The following OAS3 variants were observed in gnomAD, a reference collection of about 807,000 sequenced individuals.
The protein encoded by OAS3 is 2'-5'-oligoadenylate synthase 3.
OAS3 carries 107 observed loss-of-function variants against 113.0 expected under a neutral mutation model. The observed-to-expected ratio is 0.95, with a 90% CI of 0.81 to 1.11. The LOEUF (loss-of-function observed/expected upper bound fraction) is 1.11, where lower values mean the gene tolerates loss of function less well. Among genes scored for constraint, OAS3 ranks in the 50% most tolerant of loss-of-function variants. The probability of loss-of-function intolerance (pLI) is 0.00; values close to 1 mark genes in which losing one functional copy is unlikely to be tolerated. For missense variants in OAS3, 1,258 were observed against 1,389.1 expected (o/e 0.91, Z 1.50); for synonymous variants, 552 against 573.6 (o/e 0.96, Z 0.54).
chr12:112,962,130 A>G (rs1164403004), intron 8 of OAS3, among the ~76,000 whole-genome samples: 1 of 152,186 alleles, frequency 6.6e-6, no homozygotes, highest in Non-Finnish European at 1.5e-5. Context: ...CTAAATTCTG[A>G]ACATCCTTCG....
intron 7 of OAS3, among the ~76,000 whole-genome samples, chr12:112,957,490 T>C (rs1367184123): frequency 6.6e-6 from 1 of 152,230 alleles, no homozygotes; most frequent in Non-Finnish European, 1.5e-5. Flanking sequence ...TTCCTTTCCA[T>C]GTTTAGTGCT....
At chr12:112,943,142 C>T (rs1007749939) in intron 2 of OAS3, among the ~76,000 whole-genome samples, 9 of 152,014 alleles carry the variant, frequency 5.9e-5, no homozygotes, top group African/African-American at 1.5e-4. Flanking sequence ...ACCATGTTGT[C>T]TAGGCTGGTC....
chr12:112,950,123 G>A (rs1167854943), intron 6 of OAS3, among the ~76,000 whole-genome samples: 1 of 152,148 alleles, frequency 6.6e-6, no homozygotes, highest in Non-Finnish European at 1.5e-5. Context: ...GTTTATTGAT[G>A]GTCCCTTCCT....
At chr12:112,957,835 A>G (rs1332307018) in intron 7 of OAS3, among the ~76,000 whole-genome samples, 5 of 151,920 alleles carry the variant, frequency 3.3e-5, no homozygotes, top group African/African-American at 4.8e-5. Flanking sequence ...CTTCTCGAGG[A>G]GTATCTTTGT....
At chr12:112,964,488 C>T (rs1565981745) in intron 11 of OAS3, 80 bp downstream of exon 11, 4 of 1,442,844 alleles carry the variant, frequency 2.8e-6, no homozygotes, top group Non-Finnish European at 3.8e-6. Flanking sequence ...GCTTGACCCA[C>T]TTCCGCCCTC....
chr12:112,967,437 C>T lies in OAS3; in HGVS notation c.2709C>T (p.Ser903=). 6.2e-7 allele frequency: 1 copy of T among 1,612,816 alleles called. No homozygotes were observed. Among genetic ancestry groups the T allele is most frequent in the East Asian group, 2.2e-5 (1 of 44,844 alleles). ...CTCCAGGCCAGCTGGTCTCTGGCTC[C>T]AGGCCCAGCTCTCAAGTCTACGTCG... ...FDALGQLVSG[S]RPSSQVYVDL... is the part of the protein sequence containing the mutation. The change falls in exon 13 of 16, where the codon TCC becomes TCT. Residue 903 remains serine (S), a synonymous_variant. Transcript: ENST00000228928.
rs1489896753 is a variant in OAS3, at chr12:112,972,578, G to GAGTT, written c.*2606_*2609dup. ...TAGCTAGGAAAACACAGGGAAAGAAGAGTTCTGAGCAGGGCCTAGTCTTAG... is the reference window on the plus strand; with the variant it reads ...TAGCTAGGAAAACACAGGGAAAGAAGAGTTAGTTCTGAGCAGGGCCTAGTCTTAG... On this transcript the variant is annotated 3_prime_UTR_variant, in exon 16 of 16. Coordinates refer to ENST00000228928, the MANE Select transcript of OAS3 (RefSeq NM_006187.4). The GAGTT allele has an allele frequency of 6.6e-6, 1 of 152,236 alleles. No individual in the cohort carries two copies. Among genetic ancestry groups the GAGTT allele is most frequent in the Non-Finnish European group, 1.5e-5 (1 of 68,050 alleles). 9.4% of individuals were successfully genotyped at this position (152,236 alleles called of 1,614,324 possible).
chr12:112,949,992 C>T (rs566384643), intron 6 of OAS3, among the ~76,000 whole-genome samples: 2 of 152,242 alleles, frequency 1.3e-5, no homozygotes, highest in South Asian at 2.1e-4. Flanking sequence ...GCACTCCAGC[C>T]TGGGCGACAA....
At chr12:112,959,245 T>C (rs2043861492) in intron 7 of OAS3, among the ~76,000 whole-genome samples, 1 of 152,182 alleles carries the variant, frequency 6.6e-6, no homozygotes, top group South Asian at 2.1e-4. Flanking sequence ...CCATCTGTCA[T>C]GGCTTCCTTT....
chr12:112,938,854 C>T (rs1018215140), intron 1 of OAS3, 147 bp downstream of exon 1: 1 of 697,808 alleles, frequency 1.4e-6, no homozygotes, highest in Non-Finnish European at 2.2e-6. Flanking sequence ...GTGCCAGCCC[C>T]GTGCTAACTC....
At chr12:112,950,141 C>G (rs183929088) in intron 6 of OAS3, among the ~76,000 whole-genome samples, 1 of 152,210 alleles carries the variant, frequency 6.6e-6, no homozygotes, top group Non-Finnish European at 1.5e-5. Flanking sequence ...CCTTCCCTCC[C>G]CCAGCCAGCA....
chr12:112,941,516 C>A, intron 1 of OAS3, 54 bp from the exon 2 acceptor site: 2 of 1,564,288 alleles, frequency 1.3e-6, no homozygotes, highest in South Asian at 2.4e-5. Context: ...TGCCAGGTTG[C>A]AAGGCCACTA....
chr12:112,961,805 T>C (rs2136357639), intron 8 of OAS3, among the ~76,000 whole-genome samples: 1 of 152,302 alleles, frequency 6.6e-6, no homozygotes, highest in East Asian at 1.9e-4. Context: ...CATAGCCTTT[T>C]TTTTTTTTGA....
In OAS3 at chr12:112,954,878, G is replaced by C. The variant is rs1051297962; in HGVS notation, c.1657+3903G>C. 6.6e-6 allele frequency among the ~76,000 whole-genome samples: 1 copy of C among 152,154 alleles called. No individual in the cohort carries two copies. Among genetic ancestry groups the C allele is most frequent in the Admixed American group, 6.5e-5 (1 of 15,280 alleles). On this transcript the variant is annotated intron_variant, in intron 7 of 15. Transcript: ENST00000228928. This position sits in a 1 kb window ranked among gnomAD's most constrained non-coding sequence, Gnocchi z 4.0. ...TGAAGAAAGTCATTGGTAGCTTGTT[G>C]GGGATGGCATTGAATCTATAAATTA...
intron 10 of OAS3, among the ~76,000 whole-genome samples, chr12:112,964,032 A>G (rs905511383): frequency 3.3e-5 from 5 of 152,222 alleles, no homozygotes; most frequent in African/African-American, 9.6e-5. Flanking sequence ...ACATGGGGAA[A>G]CTGAGACTGT....
At chr12:112,962,525 G>A (rs1464724637) in intron 8 of OAS3, 127 bp from the exon 9 acceptor site, 4 of 1,149,242 alleles carry the variant, frequency 3.5e-6, no homozygotes, top group Non-Finnish European at 5.0e-6. Flanking sequence ...AAAATGAGAA[G>A]CATCAGCAAG....
At chr12:112,967,815 C>A in intron 13 of OAS3, 121 bp from the exon 14 acceptor site, 1 of 1,196,066 alleles carries the variant, frequency 8.4e-7, no homozygotes, top group Non-Finnish European at 1.2e-6. Context: ...CATGGCAAGG[C>A]ATCTGGCACA....
chr12:112,946,840 C>G lies in OAS3; in HGVS notation c.734C>G (p.Ala245Gly). Residue 245 changes from alanine to glycine, a missense_variant, in exon 4 of 16, where the codon GCT becomes GGT. By Grantham distance (60) the Ala-to-Gly change is moderately conservative. Coordinates refer to ENST00000228928, the MANE Select transcript of OAS3 (RefSeq NM_006187.4). The part of the protein sequence containing the change: ...FAWEQGCKKD[A>G]FSLAEGLRTV... ...TGGGAGCAGGGCTGTAAGAAGGATG[C>G]TTTCAGCCTAGCCGAAGGCCTCCGA... The G allele has an allele frequency of 1.9e-6, 3 of 1,613,934 alleles. No individual in the cohort carries two copies. Among genetic ancestry groups the G allele is most frequent in the Non-Finnish European group, 2.5e-6 (3 of 1,179,866 alleles).
intron 4 of OAS3, 106 bp from the exon 5 acceptor site, chr12:112,947,840 C>T: frequency 1.9e-6 from 2 of 1,041,196 alleles, no homozygotes; most frequent in Non-Finnish European, 2.7e-6. Context: ...ATCATTTGCC[C>T]CAGGTCACAC....
Sources: gnomAD v4.1 joint callset for allele counts (sites outside exome capture counted in the v4.1 genomes callset) on GRCh38, gnomAD v4.1.1 for gene constraint, Gnocchi (gnomAD v3.1) non-coding constraint, MANE v1.5 for transcripts, NCBI Gene and HGNC (gene_info 2026-07-23, HGNC 2026-07-21) for gene names.